CACNG4: variants seen among roughly 807,000 people sequenced by gnomAD.
The protein encoded by CACNG4 is voltage-dependent calcium channel gamma-4 subunit.
CACNG4 carries 8 observed loss-of-function variants against 22.9 expected under a neutral mutation model. That is an observed-to-expected ratio of 0.35 (90% CI 0.21 to 0.63). The LOEUF (loss-of-function observed/expected upper bound fraction) is 0.63. CACNG4 is among the 30% of genes least tolerant of loss of function. CACNG4 has a pLI of 0.72. For missense variants in CACNG4, 357 were observed against 455.4 expected (o/e 0.78, Z 1.97); for synonymous variants, 188 against 191.9 (o/e 0.98, Z 0.17).
rs1467454267 is a variant in CACNG4 at position 67,031,854 on chromosome 17, C to G, written c.*850C>G. 1.3e-5 allele frequency: 6 copies of G among 456,586 alleles called. No homozygotes were observed. Among genetic ancestry groups the G allele is most frequent in the African/African-American group, 1.2e-4 (6 of 50,060 alleles). The allele number at this position is 456,586 out of a possible 1,614,324, so 28.3% of individuals were successfully genotyped here. A position where few individuals can be genotyped will look rare whatever the true frequency, so the allele number is the denominator to read the frequency against. On this transcript the variant is annotated 3_prime_UTR_variant, in exon 4 of 4. Coordinates refer to ENST00000262138, the MANE Select transcript of CACNG4 (RefSeq NM_014405.4). The surrounding 1 kb of genome is among the most constrained non-coding windows in gnomAD (Gnocchi z 4.0). ...CTTGTCATAGACCCAAGGAGCAACT[C>G]TGTCCCCTGAGCGTTGGGGGTCCCG...
intron 1 of CACNG4, among the ~76,000 whole-genome samples, chr17:66,982,071 C>T (rs760467761): frequency 2.0e-5 from 3 of 152,092 alleles, no homozygotes; most frequent in African/African-American, 4.8e-5. Flanking sequence ...AAGCCATGGA[C>T]GTTTGCGGTG....
At chr17:66,983,070 T>G (rs897332390) in intron 1 of CACNG4, among the ~76,000 whole-genome samples, 14 of 152,226 alleles carry the variant, frequency 9.2e-5, no homozygotes, top group African/African-American at 1.4e-4. Flanking sequence ...AAACCCAGGC[T>G]GTCTGGCTTC....
chr17:67,000,545 C>T (rs1437754095), intron 1 of CACNG4, among the ~76,000 whole-genome samples: 2 of 152,152 alleles, frequency 1.3e-5, no homozygotes, highest in South Asian at 2.1e-4. Context: ...GGGTGCAGGG[C>T]GCCTGCTCTG....
chr17:67,006,181 C>T (rs950876890), intron 1 of CACNG4, among the ~76,000 whole-genome samples: 4 of 152,142 alleles, frequency 2.6e-5, no homozygotes, highest in African/African-American at 4.8e-5. Flanking sequence ...GTCGAGGCAG[C>T]CAGGCTCCTC....
chr17:66,981,846 G>GTA (rs1369471864), intron 1 of CACNG4, among the ~76,000 whole-genome samples: 1 of 152,154 alleles, frequency 6.6e-6, no homozygotes, highest in Admixed American at 6.5e-5. Flanking sequence ...ACTTATCTTT[G>GTA]TAACAGCTAT....
chr17:66,977,315 C>A (rs2035243915), intron 1 of CACNG4, among the ~76,000 whole-genome samples: 1 of 152,078 alleles, frequency 6.6e-6, no homozygotes, highest in Non-Finnish European at 1.5e-5. Context: ...TGGATCCAGC[C>A]CGCCCCACGG....
chr17:67,005,950 C>T (rs1452589048), intron 1 of CACNG4, among the ~76,000 whole-genome samples: 1 of 152,228 alleles, frequency 6.6e-6, no homozygotes, highest in Non-Finnish European at 1.5e-5. Flanking sequence ...GGATGGCTCT[C>T]TCCTTGTGGC....
chr17:67,021,855 G>A (rs1433964244), intron 2 of CACNG4: 1 of 152,250 alleles, frequency 6.6e-6, no homozygotes, highest in Non-Finnish European at 1.5e-5. Context: ...TGGCCAGCAG[G>A]GCACGGGCTG....
chr17:67,013,427 C>T (rs1598119465), intron 1 of CACNG4, among the ~76,000 whole-genome samples: 1 of 152,292 alleles, frequency 6.6e-6, no homozygotes, highest in Non-Finnish European at 1.5e-5. Context: ...ATGTAACTTG[C>T]TCATTACTCT....
At chr17:66,976,369 C>A (rs1191657686) in intron 1 of CACNG4, among the ~76,000 whole-genome samples, 4 of 148,572 alleles carry the variant, frequency 2.7e-5, no homozygotes, top group African/African-American at 9.9e-5. Context: ...CCTCCCTTCT[C>A]CCTCCATCCT....
At chr17:67,016,228 A>G (rs551859421) in intron 1 of CACNG4, among the ~76,000 whole-genome samples, 1 of 152,164 alleles carries the variant, frequency 6.6e-6, no homozygotes, top group Non-Finnish European at 1.5e-5. Flanking sequence ...TGCCCATTCT[A>G]CAGATGAGGA....
intron 3 of CACNG4, among the ~76,000 whole-genome samples, chr17:67,026,147 G>A (rs572220421): frequency 6.6e-6 from 1 of 151,536 alleles, no homozygotes; most frequent in African/African-American, 2.4e-5. Flanking sequence ...GTGTGTTTGT[G>A]TGTGTGAGGA....
At chr17:66,988,372 A>C (rs1009520380) in intron 1 of CACNG4, among the ~76,000 whole-genome samples, 1 of 152,220 alleles carries the variant, frequency 6.6e-6, no homozygotes, top group Non-Finnish European at 1.5e-5. Context: ...GCCGGCAAGC[A>C]GGAGAGGAAA....
intron 1 of CACNG4, among the ~76,000 whole-genome samples, chr17:66,991,337 C>CAAACA (rs1555577426): frequency 6.6e-6 from 1 of 150,380 alleles, no homozygotes; most frequent in South Asian, 2.1e-4. Flanking sequence ...AACAAACAAA[C>CAAACA]AAAAAAAAAC....
At chr17:66,979,647 A>G (rs981510503) in intron 1 of CACNG4, among the ~76,000 whole-genome samples, 1 of 151,822 alleles carries the variant, frequency 6.6e-6, no homozygotes, top group African/African-American at 2.4e-5. Flanking sequence ...AAAAATATAA[A>G]CCCGATATTT....
At chr17:67,011,678 T>C (rs1037654496) in intron 1 of CACNG4, among the ~76,000 whole-genome samples, 2 of 152,152 alleles carry the variant, frequency 1.3e-5, no homozygotes, top group African/African-American at 4.8e-5. Flanking sequence ...ACAGTGACAA[T>C]ACTGTCGAGC....
intron 1 of CACNG4, among the ~76,000 whole-genome samples, chr17:66,979,520 A>T (rs1164023977): frequency 1.3e-5 from 2 of 152,198 alleles, no homozygotes; most frequent in Non-Finnish European, 2.9e-5. Context: ...CTGCTTTATC[A>T]AGCTGGGAAC....
intron 1 of CACNG4, among the ~76,000 whole-genome samples, chr17:66,995,152 C>T (rs1489226279): frequency 6.6e-6 from 1 of 152,182 alleles, no homozygotes; most frequent in Non-Finnish European, 1.5e-5. Flanking sequence ...CGCCCTCACG[C>T]CACTGCCCCG....
At chr17:66,992,740 C>T (rs1004728067) in intron 1 of CACNG4, among the ~76,000 whole-genome samples, 1 of 152,222 alleles carries the variant, frequency 6.6e-6, no homozygotes, top group Non-Finnish European at 1.5e-5. Context: ...AGGGCCTTGG[C>T]TGGATGAGCC....
Sources: gnomAD v4.1 joint callset for allele counts (sites outside exome capture counted in the v4.1 genomes callset) on GRCh38, gnomAD v4.1.1 for gene constraint, Gnocchi (gnomAD v3.1) non-coding constraint, MANE v1.5 for transcripts, NCBI Gene and HGNC (gene_info 2026-07-23, HGNC 2026-07-21) for gene names.